Variants in CHSY3 observed in about 807,000 individuals in gnomAD.
CHSY3 encodes the protein N-acetylgalactosaminyl-proteoglycan 3-beta-glucuronosyltransferase 3.
A neutral mutation model predicts 67.2 loss-of-function variants in CHSY3; 35 were observed. The ratio of observed to expected loss-of-function variants is 0.52; its 90% CI spans 0.40 to 0.69. CHSY3 has a LOEUF of 0.69. Ranked by LOEUF, CHSY3 falls within the 30% of genes least tolerant of loss-of-function variation. The pLI is 0.00. For missense variants in CHSY3, 1,069 were observed against 1,138.5 expected (o/e 0.94, Z 0.88); for synonymous variants, 474 against 434.7 (o/e 1.09, Z -1.12).
intron 2 of CHSY3, among the ~76,000 whole-genome samples, chr5:130,156,737 A>G (rs1392241929): frequency 1.3e-5 from 2 of 152,224 alleles, no homozygotes; most frequent in African/African-American, 4.8e-5. Context: ...CATGGACTAG[A>G]TTGACTATGG....
intron 2 of CHSY3, among the ~76,000 whole-genome samples, chr5:129,984,397 A>G (rs1002376450): frequency 9.2e-5 from 14 of 152,176 alleles, no homozygotes; most frequent in African/African-American, 3.1e-4. Flanking sequence ...TCCGTGGTGT[A>G]TATGTACCAT....
intron 2 of CHSY3, among the ~76,000 whole-genome samples, chr5:130,060,842 G>A (rs963877478): frequency 6.6e-6 from 1 of 151,672 alleles, no homozygotes. Flanking sequence ...TAAACACCTA[G>A]GAATACATTT....
chr5:129,934,948 C>A (rs2149590941), intron 2 of CHSY3, among the ~76,000 whole-genome samples: 1 of 152,222 alleles, frequency 6.6e-6, no homozygotes, highest in South Asian at 2.1e-4. Flanking sequence ...CAAATAGAAA[C>A]TCTACACTCA....
chr5:130,116,851 C>G (rs1156280373), intron 2 of CHSY3, among the ~76,000 whole-genome samples: 1 of 132,820 alleles, frequency 7.5e-6, no homozygotes, highest in Non-Finnish European at 1.6e-5. Context: ...TGCCTTTCAG[C>G]TCTAGCTTTG....
chr5:130,084,602 A>T (rs2530251), intron 2 of CHSY3, among the ~76,000 whole-genome samples: 55,016 of 135,258 alleles, frequency 0.41, 10,098 homozygotes, highest in East Asian at 0.51. Flanking sequence ...TTAATTAATT[A>T]ATTTATTTAT....
chr5:130,140,252 C>A, intron 2 of CHSY3: 1 of 313,686 alleles, frequency 3.2e-6, no homozygotes, highest in Non-Finnish European at 5.8e-6. Context: ...AAATATCTGA[C>A]TGGATGGAGA....
chr5:130,059,546 A>G (rs1490921976), intron 2 of CHSY3, among the ~76,000 whole-genome samples: 3 of 151,810 alleles, frequency 2.0e-5, no homozygotes, highest in African/African-American at 4.8e-5. Flanking sequence ...ATACTCTGGG[A>G]TGATCTTAAC....
intron 2 of CHSY3, among the ~76,000 whole-genome samples, chr5:130,036,348 T>A (rs1235485828): frequency 6.6e-6 from 1 of 152,154 alleles, no homozygotes; most frequent in African/African-American, 2.4e-5. Flanking sequence ...CTAGTATATC[T>A]CTTCCATAAC....
intron 2 of CHSY3, among the ~76,000 whole-genome samples, chr5:129,932,114 A>ATATG (rs1554070926): frequency 7.7e-5 from 2 of 26,030 alleles, no homozygotes; most frequent in African/African-American, 1.8e-4. Flanking sequence ...ATATATATAT[A>ATATG]TATATATATA....
intron 2 of CHSY3, among the ~76,000 whole-genome samples, chr5:130,144,492 T>C (rs1023892004): frequency 2.6e-5 from 4 of 152,130 alleles, no homozygotes; most frequent in South Asian, 2.1e-4. Flanking sequence ...AAACCATTAA[T>C]GAAAGAAATT....
chr5:129,963,868 G>A (rs1762402042), intron 2 of CHSY3, among the ~76,000 whole-genome samples: 1 of 151,682 alleles, frequency 6.6e-6, no homozygotes, highest in Admixed American at 6.6e-5. Flanking sequence ...ATGTATCTGT[G>A]TATATATGTG....
chr5:130,175,736 A>G (rs1228847638), intron 2 of CHSY3, among the ~76,000 whole-genome samples: 3 of 152,224 alleles, frequency 2.0e-5, no homozygotes, highest in African/African-American at 7.2e-5. Context: ...GACAAACCTG[A>G]CAAAAACAAG....
intron 2 of CHSY3, among the ~76,000 whole-genome samples, chr5:130,082,271 AC>A (rs1766470509): frequency 1.1e-5 from 1 of 94,566 alleles, no homozygotes; most frequent in African/African-American, 6.2e-5. Flanking sequence ...CTTATATAAA[AC>A]AAGCTTTGAT....
rs1770100904 is a variant in CHSY3 at position 130,177,780 on chromosome 5, C to T, written c.1087-6449C>T. Among the ~76,000 whole-genome samples, 3 of 152,044 alleles carry T rather than the reference C, an allele frequency of 2.0e-5. No individual in the cohort carries two copies. In the South Asian group the frequency reaches 6.2e-4, roughly 31 times the overall value. Reference sequence around the variant, plus strand: ...AATAAGCCCTTTGAATTTGGAAACTCAAGCCCTTCATCTGTTGCATTTTGT... The same window carrying T: ...AATAAGCCCTTTGAATTTGGAAACTTAAGCCCTTCATCTGTTGCATTTTGT... On this transcript the variant is annotated intron_variant, in intron 2 of 2. Transcript: ENST00000305031.
intron 2 of CHSY3, among the ~76,000 whole-genome samples, chr5:130,086,942 G>A (rs1766654773): frequency 6.6e-6 from 1 of 152,092 alleles, no homozygotes; most frequent in South Asian, 2.1e-4. Flanking sequence ...CAATATCCTT[G>A]ATGAACAGTG....
At chr5:129,983,426 A>G (rs949667707) in intron 2 of CHSY3, among the ~76,000 whole-genome samples, 3 of 152,100 alleles carry the variant, frequency 2.0e-5, no homozygotes, top group Non-Finnish European at 4.4e-5. Flanking sequence ...TCAATGTAAT[A>G]CATTACTTAT....
At chr5:129,980,204 T>C (rs927669770) in intron 2 of CHSY3, among the ~76,000 whole-genome samples, 20 of 152,250 alleles carry the variant, frequency 1.3e-4, no homozygotes, top group African/African-American at 4.6e-4. Context: ...CATTTTGCAC[T>C]CATCCCAGCA....
chr5:130,020,451 ATATATATATATTTTTTTTTT>A (rs1764348188), intron 2 of CHSY3, among the ~76,000 whole-genome samples: 1 of 13,890 alleles, frequency 7.2e-5, no homozygotes, highest in African/African-American at 4.6e-4. Context: ...ATATATATAT[ATATATATATATTTTTTTTTT>A]TTTTTTTTCC....
intron 2 of CHSY3, among the ~76,000 whole-genome samples, chr5:129,965,146 T>G (rs559401031): frequency 1.3e-5 from 2 of 151,938 alleles, no homozygotes; most frequent in Non-Finnish European, 2.9e-5. Context: ...GGTTAGATGG[T>G]GTGGGTGCAC....
Sources: allele counts gnomAD v4.1 joint callset (sites outside exome capture counted in the v4.1 genomes callset), GRCh38; gene constraint gnomAD v4.1.1; transcripts MANE v1.5; gene names NCBI Gene and HGNC (gene_info 2026-07-23, HGNC 2026-07-21).